Variants in HS2ST1 observed in about 807,000 individuals in gnomAD.
HS2ST1 encodes the protein 2-O-sulfotransferase.
In HS2ST1, 18 loss-of-function variants were observed where a neutral mutation model predicts 42.9. The observed-to-expected ratio is 0.42, with a 90% CI of 0.29 to 0.62. The LOEUF is 0.62. Ranked by LOEUF, HS2ST1 falls within the 20% of genes least tolerant of loss-of-function variation. The probability of loss-of-function intolerance (pLI) is 0.21; values close to 1 mark genes in which losing one functional copy is unlikely to be tolerated. For synonymous variants in HS2ST1, 146 were observed against 152.9 expected, an observed-to-expected ratio of 0.95 and a Z score of 0.33; for missense variants, 334 against 433.8, an observed-to-expected ratio of 0.77 and a Z score of 2.04.
intron 2 of HS2ST1, among the ~76,000 whole-genome samples, chr1:87,074,105 T>C (rs1651481942): frequency 6.6e-6 from 1 of 152,222 alleles, no homozygotes; most frequent in African/African-American, 2.4e-5. Flanking sequence ...GCTTTCTTGC[T>C]AGAGAGCTGT....
At chr1:86,953,260 T>TA (rs1647575682) in intron 1 of HS2ST1, among the ~76,000 whole-genome samples, 1 of 152,246 alleles carries the variant, frequency 6.6e-6, no homozygotes. Context: ...CTTAAGGGAA[T>TA]GTTGTGGCCA....
chr1:87,086,264 G>A (rs542099475), intron 3 of HS2ST1, among the ~76,000 whole-genome samples: 5 of 152,158 alleles, frequency 3.3e-5, no homozygotes, highest in South Asian at 4.1e-4. Flanking sequence ...AAGTCCCTCC[G>A]TTGGCCCTGT....
chr1:87,032,365 A>G (rs950345307), intron 1 of HS2ST1, among the ~76,000 whole-genome samples: 1 of 152,176 alleles, frequency 6.6e-6, no homozygotes. Flanking sequence ...TGTTTGTGTC[A>G]GGTCTCTTTC....
At chr1:87,015,424 T>G (rs1649725221) in intron 1 of HS2ST1, among the ~76,000 whole-genome samples, 1 of 148,446 alleles carries the variant, frequency 6.7e-6, no homozygotes, top group Admixed American at 6.9e-5. Flanking sequence ...CTCGGCTCAC[T>G]GCAAGCTCTG....
intron 1 of HS2ST1, among the ~76,000 whole-genome samples, chr1:87,031,146 T>G (rs943802297): frequency 6.6e-6 from 1 of 152,002 alleles, no homozygotes; most frequent in Non-Finnish European, 1.5e-5. Context: ...TTGCCATGTT[T>G]CCCAGGCTAG....
At chr1:86,985,284 G>A (rs1341566240) in intron 1 of HS2ST1, among the ~76,000 whole-genome samples, 1 of 148,772 alleles carries the variant, frequency 6.7e-6, no homozygotes, top group Non-Finnish European at 1.5e-5. Context: ...GAACCCAGGA[G>A]GTGGAGCTTG....
At chr1:86,941,475 T>C (rs892065516) in intron 1 of HS2ST1, among the ~76,000 whole-genome samples, 3 of 149,804 alleles carry the variant, frequency 2.0e-5, no homozygotes, top group Non-Finnish European at 4.5e-5. Flanking sequence ...TCTACATTTA[T>C]AAAAAAAAAA....
At chr1:86,980,595 C>T (rs10873807) in intron 1 of HS2ST1, among the ~76,000 whole-genome samples, 104,659 of 151,934 alleles carry the variant, frequency 0.69, 37,239 homozygotes, top group East Asian at 0.97. Flanking sequence ...TTTCCTGTTG[C>T]CAGTGGTGAC....
At chr1:87,074,421 A>G (rs1470036958) in intron 2 of HS2ST1, among the ~76,000 whole-genome samples, 1 of 152,240 alleles carries the variant, frequency 6.6e-6, no homozygotes, top group Non-Finnish European at 1.5e-5. Flanking sequence ...TTTAAAAGGA[A>G]TATGTATTCA....
chr1:86,949,239 G>A (rs1647430656), intron 1 of HS2ST1, among the ~76,000 whole-genome samples: 1 of 152,086 alleles, frequency 6.6e-6, no homozygotes, highest in Admixed American at 6.6e-5. Flanking sequence ...CTCCCGAATA[G>A]ATGGGATTAC....
At chr1:86,919,730 A>G (rs1036096927) in intron 1 of HS2ST1, among the ~76,000 whole-genome samples, 2 of 152,174 alleles carry the variant, frequency 1.3e-5, no homozygotes, top group Non-Finnish European at 2.9e-5. Context: ...AGGATCACAG[A>G]TTTATAGTAG....
intron 1 of HS2ST1, chr1:86,993,062 TCA>T: frequency 6.3e-7 from 1 of 1,587,518 alleles, no homozygotes; most frequent in Non-Finnish European, 8.6e-7. Flanking sequence ...CAGGGGAAGG[TCA>T]CCAAGTCTTT....
chr1:87,017,498 A>C lies in HS2ST1; in HGVS notation c.125-55436A>C, dbSNP rs142689208. Among the ~76,000 whole-genome samples, 22 of 152,286 alleles carry C rather than the reference A, an allele frequency of 1.4e-4. No homozygotes were observed. The East Asian group carries it at 3.1e-3, about 21-fold the overall frequency. ...TCATATGCCATAGTCTAGCCATTAT[A>C]ACCATATGTTATATATACATAGCAA... is the stretch of plus-strand genomic sequence containing the variant. On this transcript the variant is annotated intron_variant, in intron 1 of 6. Coordinates refer to ENST00000370550, the MANE Select transcript of HS2ST1 (RefSeq NM_012262.4).
intron 1 of HS2ST1, among the ~76,000 whole-genome samples, chr1:87,000,970 A>C (rs1386813531): frequency 6.6e-6 from 1 of 152,196 alleles, no homozygotes; most frequent in African/African-American, 2.4e-5. Context: ...ATTGGTTTCC[A>C]GGGTTTGTTG....
chr1:86,933,932 G>A (rs1305384585), intron 1 of HS2ST1, among the ~76,000 whole-genome samples: 3 of 152,212 alleles, frequency 2.0e-5, no homozygotes, highest in Middle Eastern at 3.4e-3. Context: ...AGTAGGTTCC[G>A]AGGCTTGTAG....
chr1:87,015,136 ACTTCT>A lies in HS2ST1; in HGVS notation c.125-57797_125-57793del, dbSNP rs1294273380. On this transcript the variant is annotated intron_variant, in intron 1 of 6. Coordinates refer to ENST00000370550, the MANE Select transcript of HS2ST1 (RefSeq NM_012262.4). ...TGATCTCAGCTCACTGCAACCTCCG[ACTTCT>A]GAGTTCAAGTGATTCTCCTGCTTCA... Among the ~76,000 whole-genome samples the A allele has an allele frequency of 3.9e-5, 6 of 152,122 alleles. No homozygotes were observed. In the East Asian group the frequency reaches 7.8e-4, roughly 20 times the overall value.
intron 1 of HS2ST1, among the ~76,000 whole-genome samples, chr1:87,019,767 T>A (rs1649862072): frequency 6.6e-6 from 1 of 152,210 alleles, no homozygotes; most frequent in Non-Finnish European, 1.5e-5. Context: ...GAATTTTAAA[T>A]GATCATTGTA....
At chr1:86,952,536 C>G (rs1647556318) in intron 1 of HS2ST1, among the ~76,000 whole-genome samples, 3 of 152,056 alleles carry the variant, frequency 2.0e-5, no homozygotes, top group Non-Finnish European at 4.4e-5. Flanking sequence ...GCATGCCCAG[C>G]CAAATAATAA....
In HS2ST1 at chr1:86,914,683, A is replaced by T. The variant is rs950970825; in HGVS notation, c.-354A>T. 3 of 227,494 alleles carry T rather than the reference A, an allele frequency of 1.3e-5. No individual in the cohort carries two copies. In the Admixed American group the frequency reaches 1.7e-4, roughly 13 times the overall value. The allele number at this position is 227,494 out of a possible 1,614,324, so 14.1% of individuals were successfully genotyped here. On this transcript the variant is annotated 5_prime_UTR_variant, in exon 1 of 7. Coordinates refer to ENST00000370550, the MANE Select transcript of HS2ST1 (RefSeq NM_012262.4). Reference sequence around the variant, plus strand: ...GCGCGCGGCCGCGAGCAAAGGAGGGAGGGAAGGAAGGAAGAGAGGGAGGCG... The same window carrying T: ...GCGCGCGGCCGCGAGCAAAGGAGGGTGGGAAGGAAGGAAGAGAGGGAGGCG...
Sources: allele counts gnomAD v4.1 joint callset (sites outside exome capture counted in the v4.1 genomes callset), GRCh38; gene constraint gnomAD v4.1.1; transcripts MANE v1.5; gene names NCBI Gene and HGNC (gene_info 2026-07-23, HGNC 2026-07-21).